The following PROS1 variants were observed in gnomAD, a reference collection of about 807,000 sequenced individuals.
PROS1 encodes vitamin K-dependent protein S.
A neutral mutation model predicts 75.9 loss-of-function variants in PROS1; 29 were observed. The ratio of observed to expected loss-of-function variants is 0.38; its 90% CI spans 0.28 to 0.52. The LOEUF (loss-of-function observed/expected upper bound fraction) is 0.52, where lower values mean the gene tolerates loss of function less well. Among genes scored for constraint, PROS1 ranks in the 20% least tolerant of loss-of-function variants. PROS1 has a pLI of 0.83. For synonymous variants in PROS1, 245 were observed against 280.6 expected, an observed-to-expected ratio of 0.87 and a Z score of 1.27; for missense variants, 680 against 810.3, an observed-to-expected ratio of 0.84 and a Z score of 1.95.
rs192046597 is a variant in PROS1, at chr3:93,922,340, G to A, written c.259+1900C>T. On this transcript the variant is annotated intron_variant, in intron 3 of 14. Transcript: ENST00000394236. ...GCTCAGAGTTCACCATTCTTCCCAGGAAGTTTCTCTCTCTTTACTAGAAAC... is the reference window on the plus strand; with the variant it reads ...GCTCAGAGTTCACCATTCTTCCCAGAAAGTTTCTCTCTCTTTACTAGAAAC... Among the ~76,000 whole-genome samples the A allele has an allele frequency of 9.9e-5, 15 of 151,786 alleles. No homozygotes were observed. The East Asian group carries it at 2.3e-3, about 24-fold the overall frequency.
intron 1 of PROS1, among the ~76,000 whole-genome samples, chr3:93,943,525 T>C (rs1358859991): frequency 1.3e-5 from 2 of 151,982 alleles, no homozygotes; most frequent in South Asian, 4.1e-4. Flanking sequence ...GCTAAATCTC[T>C]CCCACTCTAG....
At chr3:93,892,173 T>A (rs1220826823) in intron 10 of PROS1, among the ~76,000 whole-genome samples, 1 of 151,560 alleles carries the variant, frequency 6.6e-6, no homozygotes, top group Non-Finnish European at 1.5e-5. Context: ...CTACTAAAAT[T>A]ACAAAAATTA....
chr3:93,889,698 TATTAGTTTTCA>T (rs538727627), intron 10 of PROS1, among the ~76,000 whole-genome samples: 58 of 152,176 alleles, frequency 3.8e-4, no homozygotes, highest in Non-Finnish European at 6.6e-4. Context: ...CATGGACATT[TATTAGTTTTCA>T]AATAATACTC....
At chr3:93,934,367 G>GGTT (rs1460509892) in intron 1 of PROS1, among the ~76,000 whole-genome samples, 1 of 152,090 alleles carries the variant, frequency 6.6e-6, no homozygotes, top group African/African-American at 2.4e-5. Context: ...AAAATGTGAA[G>GGTT]GTTGCCAGGA....
rs555591730 is a variant in PROS1, at chr3:93,940,443, A to G, written c.77-13036T>C. On this transcript the variant is annotated intron_variant, in intron 1 of 14. Coordinates refer to ENST00000394236, the MANE Select transcript of PROS1 (RefSeq NM_000313.4). ...TCAAGGGCGTGTTTCCCTTGCCTCC[A>G]TAACTGTTGTGGGTACTGACGTCTG... Among the ~76,000 whole-genome samples the G allele has an allele frequency of 1.4e-3, 215 of 152,182 alleles. 1 individual carries two copies. The highest frequency in any genetic ancestry group is 1.4e-3 in the Non-Finnish European group (95 of 68,004).
chr3:93,905,760 T>G (rs1708665415), intron 6 of PROS1, 24 bp downstream of exon 6: 1 of 1,607,600 alleles, frequency 6.2e-7, no homozygotes, highest in African/African-American at 1.3e-5. Context: ...TAAATGTGTT[T>G]TAATTCTACC....
chr3:93,883,741 G>A (rs1188796969), intron 12 of PROS1, among the ~76,000 whole-genome samples: 3 of 151,816 alleles, frequency 2.0e-5, no homozygotes, highest in Admixed American at 1.3e-4. Context: ...AGGCCAAGGG[G>A]GTGGATCATG....
At chr3:93,877,648 C>T (rs556847492) in intron 13 of PROS1, among the ~76,000 whole-genome samples, 4 of 152,288 alleles carry the variant, frequency 2.6e-5, no homozygotes, top group South Asian at 4.1e-4. Flanking sequence ...AGCAATCCTA[C>T]AGACTTGGGA....
At chr3:93,899,611 C>T (rs569380674) in intron 7 of PROS1, among the ~76,000 whole-genome samples, 27 of 152,006 alleles carry the variant, frequency 1.8e-4, no homozygotes, top group Middle Eastern at 3.4e-3. Flanking sequence ...AAATGTGTTG[C>T]GGGGGCTGGC....
chr3:93,950,171 A>G (rs1576211966), intron 1 of PROS1, among the ~76,000 whole-genome samples: 1 of 152,124 alleles, frequency 6.6e-6, no homozygotes, highest in East Asian at 1.9e-4. Context: ...GAGTAGGTAA[A>G]CAAAGCAGCC....
intron 1 of PROS1, among the ~76,000 whole-genome samples, chr3:93,947,952 A>G (rs1576210690): frequency 2.6e-5 from 4 of 152,294 alleles, no homozygotes; most frequent in East Asian, 1.9e-4. Flanking sequence ...GCACCTAAAT[A>G]GAAGCCTGGT....
chr3:93,919,411 T>A (rs1324300611), intron 3 of PROS1, among the ~76,000 whole-genome samples: 1 of 109,000 alleles, frequency 9.2e-6, no homozygotes, highest in Non-Finnish European at 2.3e-5. Context: ...TCTTTGAAAA[T>A]TTTCCCTATT....
At position 93,893,611 on chromosome 3, in the gene PROS1, A is replaced by G. The variant is rs182201015; in HGVS notation, c.966-489T>C. On this transcript the variant is annotated intron_variant, in intron 9 of 14. Coordinates refer to ENST00000394236, the MANE Select transcript of PROS1 (RefSeq NM_000313.4). ...TGTGTTACAATTTCATCGTTGGTTT[A>G]TTCATCAAAAGGCATATTTTCCCTA... is the stretch of plus-strand genomic sequence containing the variant. Among the ~76,000 whole-genome samples, 37 of 152,266 alleles carry G rather than the reference A, an allele frequency of 2.4e-4. No homozygotes were observed. In the East Asian group the frequency reaches 3.3e-3, roughly 14 times the overall value.
chr3:93,969,617 C>T (rs1217279534), intron 1 of PROS1, among the ~76,000 whole-genome samples: 1 of 152,138 alleles, frequency 6.6e-6, no homozygotes, highest in Non-Finnish European at 1.5e-5. Context: ...ATTGGCAGCT[C>T]CTCAAGTACT....
chr3:93,944,562 A>G (rs1224976093), intron 1 of PROS1, among the ~76,000 whole-genome samples: 2 of 152,230 alleles, frequency 1.3e-5, no homozygotes, highest in African/African-American at 4.8e-5. Context: ...ACTACTGGGT[A>G]CATAACGAAA....
At chr3:93,879,794 C>T (rs1708249592) in intron 12 of PROS1, among the ~76,000 whole-genome samples, 1 of 152,176 alleles carries the variant, frequency 6.6e-6, no homozygotes, top group Non-Finnish European at 1.5e-5. Context: ...TAGAGAAATA[C>T]ACTGACATCA....
intron 1 of PROS1, among the ~76,000 whole-genome samples, chr3:93,963,262 G>A (rs1183240310): frequency 6.6e-6 from 1 of 152,138 alleles, no homozygotes; most frequent in African/African-American, 2.4e-5. Flanking sequence ...GACACCTGGT[G>A]ACCATGAGAT....
chr3:93,905,711 G>C, intron 6 of PROS1, 73 bp downstream of exon 6: 3 of 1,528,550 alleles, frequency 2.0e-6, no homozygotes, highest in Non-Finnish European at 2.7e-6. Context: ...CCAAAAATTT[G>C]CTAGTAAAAT....
rs372735635 is a variant in PROS1 at position 93,900,840 on chromosome 3, C to T, written c.691G>A (p.Gly231Ser). The T allele has an allele frequency of 6.2e-6, 10 of 1,613,684 alleles. No individual in the cohort carries two copies. In the African/African-American group the frequency reaches 6.7e-5, roughly 11 times the overall value. ...TTTGATTTGAGATTATATCTGTAGCCTTCGGGGCATTCACATTCAAAATCT... is the reference window on the plus strand; with the variant it reads ...TTTGATTTGAGATTATATCTGTAGCTTTCGGGGCATTCACATTCAAAATCT... ...PGDFECECPE[G>S]YRYNLKSKSC... The change falls in exon 7 of 15, where the codon GGC becomes AGC. Residue 231 changes from glycine (G) to serine (S), a missense_variant. Gly to Ser is a moderately conservative substitution (Grantham distance 56, BLOSUM62 0). Transcript: ENST00000394236.
Sources: allele counts gnomAD v4.1 joint callset (sites outside exome capture counted in the v4.1 genomes callset), GRCh38; gene constraint gnomAD v4.1.1; transcripts MANE v1.5; gene names NCBI Gene and HGNC (gene_info 2026-07-23, HGNC 2026-07-21).